STK32B: variants seen among roughly 807,000 people sequenced by gnomAD.
STK32B encodes the protein serine/threonine-protein kinase 32B.
STK32B carries 43 observed loss-of-function variants against 52.6 expected under a neutral mutation model. The ratio of observed to expected loss-of-function variants is 0.82; its 90% confidence interval spans 0.64 to 1.05. STK32B has a LOEUF of 1.05. Among genes scored for constraint, STK32B ranks in the 50% least tolerant of loss-of-function variants. The pLI is 0.00. For synonymous variants in STK32B, 238 were observed against 204.3 expected (o/e 1.17, Z -1.41); for missense variants, 621 against 534.6 (o/e 1.16, Z -1.59).
At position 5,500,729 on chromosome 4, in the gene STK32B, C is replaced by T. The variant is rs2108741531; in HGVS notation, c.*1646C>T. On this transcript the variant is annotated 3_prime_UTR_variant, in exon 12 of 12. Transcript: ENST00000282908. ...GAGACTATTTCTGGATTGTGTGCTC[C>T]TCGTCAGTTGACTTGTTTTGCACAC... is the stretch of plus-strand genomic sequence containing the variant. 1 of 152,274 alleles carries T rather than the reference C, an allele frequency of 6.6e-6. No individual in the cohort carries two copies. The highest frequency in any genetic ancestry group is 1.5e-5 in the Non-Finnish European group (1 of 68,010). 9.4% of individuals were successfully genotyped at this position (152,274 alleles called of 1,614,324 possible).
chr4:5,045,054 C>G, the STK32B span, among the ~76,000 whole-genome samples: 1 of 152,234 alleles, frequency 6.6e-6, no homozygotes, highest in African/African-American at 2.4e-5. Context: ...CCCTTCATAC[C>G]TTTGCCTTGC....
chr4:5,431,609 G>A lies in STK32B; in HGVS notation c.562+14675G>A, dbSNP rs146863157. ...ATTTCTGCCCTTTATCAGAGCTTAC[G>A]TATTTACTCATTAGCCAATTAAACA... On this transcript the variant is annotated intron_variant, in intron 6 of 11. Coordinates refer to ENST00000282908, the MANE Select transcript of STK32B (RefSeq NM_018401.3). Among the ~76,000 whole-genome samples, 91 of 151,816 alleles carry A rather than the reference G, an allele frequency of 6.0e-4. 5 individuals carry two copies. In the East Asian group the frequency reaches 0.015, roughly 25 times the overall value.
chr4:5,099,190 C>T (rs371012845), intron 1 of STK32B, among the ~76,000 whole-genome samples: 3 of 152,276 alleles, frequency 2.0e-5, no homozygotes, highest in South Asian at 2.1e-4. Context: ...CACCCCATCA[C>T]GCTGACTCAG....
intron 1 of STK32B, among the ~76,000 whole-genome samples, chr4:5,105,785 G>A (rs914559009): frequency 9.9e-5 from 15 of 151,818 alleles, no homozygotes; most frequent in Non-Finnish European, 1.8e-4. Flanking sequence ...GGATGGTCTC[G>A]ATCTCCTGAC....
At chr4:5,117,114 C>A (rs1197502512) in intron 1 of STK32B, among the ~76,000 whole-genome samples, 1 of 152,122 alleles carries the variant, frequency 6.6e-6, no homozygotes, top group Non-Finnish European at 1.5e-5. Context: ...AACTTCCTTT[C>A]CAATTTGAAT....
intron 3 of STK32B, among the ~76,000 whole-genome samples, chr4:5,297,048 G>T (rs1216057092): frequency 1.3e-5 from 2 of 152,222 alleles, no homozygotes; most frequent in Non-Finnish European, 2.9e-5. Flanking sequence ...GCTTAGTTTG[G>T]CTGGATATGA....
At chr4:5,478,870 C>T (rs941733677) in intron 11 of STK32B, among the ~76,000 whole-genome samples, 2 of 152,144 alleles carry the variant, frequency 1.3e-5, no homozygotes, top group Non-Finnish European at 2.9e-5. Flanking sequence ...AGCTAGGGAA[C>T]CAGTGCCCAC....
At chr4:5,402,397 CAG>C (rs1250427384) in intron 5 of STK32B, among the ~76,000 whole-genome samples, 4 of 152,194 alleles carry the variant, frequency 2.6e-5, no homozygotes, top group Non-Finnish European at 4.4e-5. Flanking sequence ...GAGTGAGAGA[CAG>C]AAGGAAAGAG....
At chr4:5,251,973 G>GGTACAGTT (rs1725965104) in intron 3 of STK32B, among the ~76,000 whole-genome samples, 1 of 152,114 alleles carries the variant, frequency 6.6e-6, no homozygotes, top group Non-Finnish European at 1.5e-5. Context: ...AACTTGAGAA[G>GGTACAGTT]GTACAGTTGT....
the STK32B span, among the ~76,000 whole-genome samples, chr4:5,040,475 C>A: frequency 6.7e-6 from 1 of 148,302 alleles, no homozygotes; most frequent in Admixed American, 6.9e-5. Flanking sequence ...CTCACTGCAA[C>A]CTCCGCCTCC....
chr4:5,370,851 T>C (rs1277770208), intron 4 of STK32B, among the ~76,000 whole-genome samples: 1 of 152,000 alleles, frequency 6.6e-6, no homozygotes, highest in Non-Finnish European at 1.5e-5. Flanking sequence ...TGCATGCCTG[T>C]AGTCCCAGCT....
intron 3 of STK32B, among the ~76,000 whole-genome samples, chr4:5,289,685 A>ATTTTTTTTTTTTT (rs56211807): frequency 3.5e-5 from 3 of 86,884 alleles, no homozygotes; most frequent in Non-Finnish European, 7.2e-5. Context: ...TGCCCGGCTA[A>ATTTTTTTTTTTTT]TTTTTTTTTT....
intron 3 of STK32B, among the ~76,000 whole-genome samples, chr4:5,295,942 C>G (rs529788082): frequency 7.2e-5 from 11 of 151,890 alleles, no homozygotes; most frequent in Non-Finnish European, 1.5e-4. Flanking sequence ...CTTTAACTGT[C>G]TCCCAGAGAT....
intron 1 of STK32B, among the ~76,000 whole-genome samples, chr4:5,053,484 T>C (rs1158489992): frequency 2.0e-5 from 3 of 152,236 alleles, no homozygotes; most frequent in Non-Finnish European, 2.9e-5. Flanking sequence ...CTAATTTTCC[T>C]AGCATCTTTC....
At position 5,098,015 on chromosome 4, in the gene STK32B, C is replaced by T. The variant is rs181873917; in HGVS notation, c.53-41890C>T. Among the ~76,000 whole-genome samples the T allele has an allele frequency of 4.0e-3, 613 of 152,284 alleles. 10 individuals carry two copies. Among genetic ancestry groups the T allele is most frequent in the African/African-American group, 0.014 (581 of 41,558 alleles). On this transcript the variant is annotated intron_variant, in intron 1 of 11. Coordinates refer to ENST00000282908, the MANE Select transcript of STK32B (RefSeq NM_018401.3). ...CCTTGGCCGGGATGGATCATCTGTT[C>T]CACGTGATCTCTTACCTGCTAACAG... is the stretch of plus-strand genomic sequence containing the variant.
At chr4:5,022,697 C>CA in the STK32B span, among the ~76,000 whole-genome samples, 4 of 152,254 alleles carry the variant, frequency 2.6e-5, no homozygotes, top group African/African-American at 9.6e-5. Flanking sequence ...AGCAGGTGAA[C>CA]ATCTCTGAGG....
intron 1 of STK32B, among the ~76,000 whole-genome samples, chr4:5,100,780 C>CTCCT (rs1713733154): frequency 2.5e-5 from 1 of 39,578 alleles, no homozygotes; most frequent in Non-Finnish European, 4.6e-5. Flanking sequence ...TCCTTCCCTT[C>CTCCT]TTCCTTCCTT....
chr4:5,054,370 GCCT>G (rs1354912116), intron 1 of STK32B, among the ~76,000 whole-genome samples: 1 of 152,086 alleles, frequency 6.6e-6, no homozygotes, highest in Non-Finnish European at 1.5e-5. Flanking sequence ...ATCTGAAAAG[GCCT>G]CCTCTTTTAG....
At chr4:5,040,527 G>C in the STK32B span, among the ~76,000 whole-genome samples, 1 of 151,782 alleles carries the variant, frequency 6.6e-6, no homozygotes. Flanking sequence ...CCGAGTAGCT[G>C]GGATTACAGA....
Sources: allele counts gnomAD v4.1 joint callset (sites outside exome capture counted in the v4.1 genomes callset), GRCh38; gene constraint gnomAD v4.1.1; transcripts MANE v1.5; gene names NCBI Gene and HGNC (gene_info 2026-07-23, HGNC 2026-07-21).